The following FGFR1 variants were observed in gnomAD, a reference collection of about 807,000 sequenced individuals.
The protein encoded by FGFR1 is fibroblast growth factor receptor 1.
A neutral mutation model predicts 93.7 loss-of-function variants in FGFR1; 18 were observed. That is an observed-to-expected ratio of 0.19 (90% CI 0.13 to 0.28). The LOEUF (loss-of-function observed/expected upper bound fraction) is 0.28. Among genes scored for constraint, FGFR1 ranks in the 10% least tolerant of loss-of-function variants. The pLI is 1.00. For missense variants in FGFR1, 731 were observed against 1,080.4 expected (o/e 0.68, Z 4.53); for synonymous variants, 448 against 429.3 (o/e 1.04, Z -0.54).
At chr8:38,434,683 C>T (rs1415590412) in intron 2 of FGFR1, 1 of 169,024 alleles carries the variant, frequency 5.9e-6, no homozygotes, top group Non-Finnish European at 1.3e-5. Context: ...TAGAGGGATT[C>T]GAATTTGGTG....
At chr8:38,459,954 C>T (rs967200816) in intron 1 of FGFR1, among the ~76,000 whole-genome samples, 4 of 152,072 alleles carry the variant, frequency 2.6e-5, no homozygotes, top group Non-Finnish European at 4.4e-5. Context: ...GAGGCTGAGG[C>T]GGGAGTATCA....
At chr8:38,456,543 T>C (rs1317043239) in intron 2 of FGFR1, among the ~76,000 whole-genome samples, 1 of 152,158 alleles carries the variant, frequency 6.6e-6, no homozygotes, top group African/African-American at 2.4e-5. Context: ...CAGTTAAGGA[T>C]AGGAAAATGC....
rs577426074 is a variant in FGFR1 at position 38,424,937 on chromosome 8, G to A, written c.746-238C>T. On this transcript the variant is annotated intron_variant, in intron 6 of 17. Transcript: ENST00000447712. This position sits in a 1 kb window ranked among gnomAD's most constrained non-coding sequence, Gnocchi z 4.3. ...ATCATATTTACAGTCACAGTAAGTC[G>A]CTCATGCTTTAATGGAGAACCTTCT... is the stretch of plus-strand genomic sequence containing the variant. Among the ~76,000 whole-genome samples, 5 of 152,242 alleles carry A rather than the reference G, an allele frequency of 3.3e-5. No individual in the cohort carries two copies. Among genetic ancestry groups the A allele is most frequent in the Non-Finnish European group, 5.9e-5 (4 of 68,012 alleles).
chr8:38,445,578 G>A (rs1246838609), intron 2 of FGFR1, among the ~76,000 whole-genome samples: 1 of 152,116 alleles, frequency 6.6e-6, no homozygotes, highest in Non-Finnish European at 1.5e-5. Flanking sequence ...TCACTCTGTT[G>A]CCCAGGCTGG....
At chr8:38,417,480 G>A in intron 11 of FGFR1, 64 bp from the exon 12 acceptor site, 1 of 1,375,602 alleles carries the variant, frequency 7.3e-7, no homozygotes, top group Non-Finnish European at 1.0e-6. Flanking sequence ...AAGGCTAAGG[G>A]AGTGGGGTAT....
chr8:38,415,836 T>C (rs970803690), intron 13 of FGFR1, 34 bp downstream of exon 13: 1 of 1,607,124 alleles, frequency 6.2e-7, no homozygotes, highest in African/African-American at 1.3e-5. Flanking sequence ...GTTCCCACCC[T>C]GGCATTACCC....
Position 38,429,987 on chromosome 8 carries a change from C to T in FGFR1, c.92-39G>A, listed in dbSNP as rs55916641. ...GGGGCCGGGAAGGGAAGCCAAGGGG[C>T]GAGAGAGGAAGACAGGGAGAGGGGA... On this transcript the variant is annotated intron_variant, in intron 2 of 17. Transcript: ENST00000447712. This position sits in a 1 kb window ranked among gnomAD's most constrained non-coding sequence, Gnocchi z 4.4. 54 of 1,569,872 alleles carry T rather than the reference C, an allele frequency of 3.4e-5. No individual in the cohort carries two copies. In the Middle Eastern group the frequency reaches 5.1e-4, roughly 15 times the overall value.
At chr8:38,440,361 C>A (rs1361944246) in intron 2 of FGFR1, 22 of 1,599,102 alleles carry the variant, frequency 1.4e-5, no homozygotes, top group Non-Finnish European at 1.9e-5. Context: ...AATCCCGGGT[C>A]ACAGCTGCCA....
intron 7 of FGFR1, chr8:38,423,641 CA>C (rs1164855993): frequency 3.9e-5 from 5 of 127,168 alleles, no homozygotes; most frequent in African/African-American, 9.2e-5. Flanking sequence ...AAGTGGACTT[CA>C]AAAGTCCAAA....
At chr8:38,423,223 T>C (rs574207842) in intron 7 of FGFR1, 1 of 770,104 alleles carries the variant, frequency 1.3e-6, no homozygotes, top group East Asian at 2.4e-5. Flanking sequence ...AGCTGAGATG[T>C]GGCCACGCAC....
chr8:38,418,179 TAGCA>T (rs1035081449), intron 10 of FGFR1, 45 bp downstream of exon 10: 2 of 1,613,758 alleles, frequency 1.2e-6, no homozygotes, highest in Admixed American at 3.3e-5. Context: ...ACCACTAGAA[TAGCA>T]AGCAAGGAAT....
intron 2 of FGFR1, among the ~76,000 whole-genome samples, chr8:38,452,193 A>T (rs1206880120): frequency 1.0e-5 from 1 of 96,816 alleles, no homozygotes; most frequent in Non-Finnish European, 2.1e-5. Context: ...AGACACACAG[A>T]CACACAGACA....
chr8:38,439,447 G>A (rs906400733), intron 2 of FGFR1, among the ~76,000 whole-genome samples: 20 of 152,144 alleles, frequency 1.3e-4, no homozygotes, highest in Non-Finnish European at 2.5e-4. Flanking sequence ...ATGACCCACT[G>A]AGAAGATTAA....
intron 2 of FGFR1, among the ~76,000 whole-genome samples, chr8:38,450,966 T>C (rs1830880509): frequency 6.6e-6 from 1 of 152,140 alleles, no homozygotes; most frequent in Non-Finnish European, 1.5e-5. Flanking sequence ...TGTCCAGCTC[T>C]GAACACTTGC....
At chr8:38,430,146 G>A in intron 2 of FGFR1, 198 bp from the exon 3 acceptor site, 1 of 597,508 alleles carries the variant, frequency 1.7e-6, no homozygotes, top group Non-Finnish European at 2.9e-6. Flanking sequence ...TGGCTGCCTG[G>A]GAACCCCCAT....
At chr8:38,457,922 G>A (rs1051801123) in intron 1 of FGFR1, among the ~76,000 whole-genome samples, 4 of 152,184 alleles carry the variant, frequency 2.6e-5, no homozygotes, top group African/African-American at 4.8e-5. Flanking sequence ...GGCGAAGGAT[G>A]CAGTGAGCTG....
intron 1 of FGFR1, chr8:38,461,047 G>A (rs570882004): frequency 6.5e-7 from 1 of 1,534,890 alleles, no homozygotes; most frequent in Admixed American, 2.0e-5. Flanking sequence ...GGAGCAGAGA[G>A]GGGGCACATC....
intron 7 of FGFR1, chr8:38,422,952 T>C (rs1368579360): frequency 4.0e-6 from 3 of 752,902 alleles, no homozygotes; most frequent in Non-Finnish European, 7.4e-6. Flanking sequence ...CAGTACTGGC[T>C]TCCCCGCCTG....
In FGFR1 at chr8:38,429,538, G is replaced by A. The variant is rs980067430; in HGVS notation, c.358+144C>T. On this transcript the variant is annotated intron_variant, in intron 3 of 17. Coordinates refer to ENST00000447712, the MANE Select transcript of FGFR1 (RefSeq NM_023110.3). The surrounding 1 kb of genome is among the most constrained non-coding windows in gnomAD (Gnocchi z 4.4). ...AGAGCCAAGCCACGCGGCAGGCAGG[G>A]AGCAATGTTAGTGGGCAGCAGTTTC... 1.0e-6 allele frequency: 1 copy of A among 966,936 alleles called. No individual in the cohort carries two copies. The highest frequency in any genetic ancestry group is 1.5e-5 in the South Asian group (1 of 65,910). The allele number at this position is 966,936 out of a possible 1,614,324, so 59.9% of individuals were successfully genotyped here. A position where few individuals can be genotyped will look rare whatever the true frequency, so the allele number is the denominator to read the frequency against.
Sources: allele counts gnomAD v4.1 joint callset (sites outside exome capture counted in the v4.1 genomes callset), GRCh38; gene constraint gnomAD v4.1.1; non-coding constraint Gnocchi (gnomAD v3.1); transcripts MANE v1.5; gene names NCBI Gene and HGNC (gene_info 2026-07-23, HGNC 2026-07-21).